TCF7L2: variants seen among roughly 807,000 people sequenced by gnomAD.
TCF7L2 encodes transcription factor 7-like 2.
A neutral mutation model predicts 77.9 loss-of-function variants in TCF7L2; 23 were observed. The ratio of observed to expected loss-of-function variants is 0.30; its 90% CI spans 0.21 to 0.42. The LOEUF (loss-of-function observed/expected upper bound fraction) is 0.42, where lower values mean the gene tolerates loss of function less well. TCF7L2 is among the 10% of genes least tolerant of loss of function. TCF7L2 has a pLI of 1.00. For synonymous variants in TCF7L2, 413 were observed against 340.2 expected (o/e 1.21, Z -2.36); for missense variants, 654 against 793.1 (o/e 0.82, Z 2.11).
At position 113,040,020 on chromosome 10, in the gene TCF7L2, G is replaced by T. The variant is rs777964745; in HGVS notation, c.451-5G>T. ...TTTCATTTCACTTTTGTTTCCTCTC[G>T]CCAGTATCTCCAGATGAAATGGCCA... On this transcript the variant is annotated splice_region_variant and splice_polypyrimidine_tract_variant and intron_variant, in intron 4 of 13. Coordinates refer to ENST00000627217, the MANE Select transcript of TCF7L2 (RefSeq NM_001146274.2). The T allele has an allele frequency of 6.2e-7, 1 of 1,610,788 alleles. No homozygotes were observed. The highest frequency in any genetic ancestry group is 8.5e-7 in the Non-Finnish European group (1 of 1,178,566).
chr10:113,028,580 C>A (rs139182665), intron 4 of TCF7L2, among the ~76,000 whole-genome samples: 109 of 152,284 alleles, frequency 7.2e-4, no homozygotes, highest in African/African-American at 2.5e-3. Context: ...GCACGGGGTG[C>A]GGTTTCAGTT....
At chr10:113,019,813 A>G (rs1022818146) in intron 4 of TCF7L2, among the ~76,000 whole-genome samples, 1 of 147,430 alleles carries the variant, frequency 6.8e-6, no homozygotes, top group East Asian at 2.0e-4. Flanking sequence ...TTTTTTTTTC[A>G]TGTGGACTTC....
At chr10:112,990,021 G>T (rs1356106109) in intron 4 of TCF7L2, among the ~76,000 whole-genome samples, 1 of 152,172 alleles carries the variant, frequency 6.6e-6, no homozygotes, top group Non-Finnish European at 1.5e-5. Context: ...CTCATACAGT[G>T]AAATGGAAGT....
At chr10:113,125,804 G>A (rs1377410134) in intron 5 of TCF7L2, 1 of 151,844 alleles carries the variant, frequency 6.6e-6, no homozygotes, top group Non-Finnish European at 1.5e-5. Flanking sequence ...AAAGAGAAAG[G>A]GAAAAAAGTT....
At chr10:113,050,155 A>G (rs763961144) in intron 5 of TCF7L2, among the ~76,000 whole-genome samples, 5 of 152,190 alleles carry the variant, frequency 3.3e-5, no homozygotes, top group Non-Finnish European at 7.3e-5. Flanking sequence ...TGCATCACCT[A>G]GGCTTCAATG....
At chr10:113,080,511 T>G (rs1775383662) in intron 5 of TCF7L2, among the ~76,000 whole-genome samples, 1 of 152,214 alleles carries the variant, frequency 6.6e-6, no homozygotes, top group African/African-American at 2.4e-5. Flanking sequence ...TTTTCAAGTT[T>G]CCTTGTGTGT....
At chr10:113,128,180 C>T (rs1378625140) in intron 5 of TCF7L2, among the ~76,000 whole-genome samples, 1 of 151,954 alleles carries the variant, frequency 6.6e-6, no homozygotes, top group African/African-American at 2.4e-5. Context: ...AAGGGAATGG[C>T]AGGGTTTTGT....
intron 5 of TCF7L2, among the ~76,000 whole-genome samples, chr10:113,069,747 C>G (rs1379291690): frequency 6.6e-6 from 1 of 152,182 alleles, no homozygotes; most frequent in Non-Finnish European, 1.5e-5. Context: ...CTGGATGTTT[C>G]AGCCACTCCC....
intron 4 of TCF7L2, among the ~76,000 whole-genome samples, chr10:112,985,524 T>C (rs2041317922): frequency 6.6e-6 from 1 of 152,236 alleles, no homozygotes; most frequent in South Asian, 2.1e-4. Flanking sequence ...AGAAACAACA[T>C]GCCTGTCTTT....
At chr10:113,129,301 G>A (rs755138650) in intron 5 of TCF7L2, 1 of 986,166 alleles carries the variant, frequency 1.0e-6, no homozygotes, top group African/African-American at 1.7e-5. Context: ...GCACTCGGTT[G>A]ATCATTTTCC....
intron 4 of TCF7L2, among the ~76,000 whole-genome samples, chr10:112,992,297 G>A (rs531900029): frequency 6.6e-6 from 1 of 152,318 alleles, no homozygotes; most frequent in African/African-American, 2.4e-5. Flanking sequence ...CAGTGAATGT[G>A]CGTCGGTAGC....
chr10:113,156,851 G>T (rs151080984), intron 11 of TCF7L2, among the ~76,000 whole-genome samples: 12 of 152,328 alleles, frequency 7.9e-5, no homozygotes, highest in African/African-American at 2.6e-4. Context: ...CTAGATGTGT[G>T]ACCCTGGCAA....
chr10:113,071,401 G>A (rs2057993307), intron 5 of TCF7L2, among the ~76,000 whole-genome samples: 1 of 152,114 alleles, frequency 6.6e-6, no homozygotes, highest in Admixed American at 6.5e-5. Context: ...TGGAGCAAGA[G>A]AAGCTTGAGA....
chr10:112,969,385 C>A (rs560966303), intron 4 of TCF7L2, among the ~76,000 whole-genome samples: 349 of 152,290 alleles, frequency 2.3e-3, no homozygotes, highest in African/African-American at 8.1e-3. Flanking sequence ...ATCCTTCCTA[C>A]GTTGTTGGAT....
chr10:113,110,552 C>T (rs1038485266), intron 5 of TCF7L2, among the ~76,000 whole-genome samples: 3 of 152,136 alleles, frequency 2.0e-5, no homozygotes, highest in African/African-American at 7.2e-5. Context: ...GGAAGCTCTT[C>T]TTCTCACAAG....
chr10:113,033,805 C>G (rs1038530147), intron 4 of TCF7L2, among the ~76,000 whole-genome samples: 4 of 152,162 alleles, frequency 2.6e-5, no homozygotes, highest in African/African-American at 9.7e-5. Context: ...TCTCCTATAC[C>G]TTCTGCATCT....
At chr10:112,979,048 T>C (rs900434856) in intron 4 of TCF7L2, among the ~76,000 whole-genome samples, 36 of 152,154 alleles carry the variant, frequency 2.4e-4, no homozygotes, top group Admixed American at 2.3e-3. Context: ...CCCTCTTTTA[T>C]GTGGGGAGGA....
intron 5 of TCF7L2, among the ~76,000 whole-genome samples, chr10:113,046,345 TG>T (rs940750436): frequency 6.6e-6 from 1 of 152,150 alleles, no homozygotes; most frequent in Non-Finnish European, 1.5e-5. Context: ...CAGCACTGTT[TG>T]GTAGCTATCT....
chr10:113,079,675 T>G (rs967365069), intron 5 of TCF7L2, among the ~76,000 whole-genome samples: 9 of 152,122 alleles, frequency 5.9e-5, no homozygotes, highest in Non-Finnish European at 1.2e-4. Flanking sequence ...TTTTTTTTTC[T>G]GAGACAGAGT....
Sources: allele counts gnomAD v4.1 joint callset (sites outside exome capture counted in the v4.1 genomes callset), GRCh38; gene constraint gnomAD v4.1.1; transcripts MANE v1.5; gene names NCBI Gene and HGNC (gene_info 2026-07-23, HGNC 2026-07-21).